NOC3L: variants seen among roughly 807,000 people sequenced by gnomAD.
NOC3L encodes nucleolar complex protein 3 homolog.
In NOC3L, 85 loss-of-function variants were observed where a neutral mutation model predicts 102.5. The observed-to-expected ratio is 0.83, with a 90% CI of 0.70 to 0.99. The LOEUF is 0.99. Among genes scored for constraint, NOC3L ranks in the 50% least tolerant of loss-of-function variants. The pLI is 0.00. For missense variants in NOC3L, 878 were observed against 914.9 expected (o/e 0.96, Z 0.52); for synonymous variants, 303 against 309.4 (o/e 0.98, Z 0.22).
chr10:94,339,862 C>G lies in NOC3L; in HGVS notation c.1839G>C (p.Lys613Asn). ...VLQCLDVMLT[K>N]RRKQVSQQRA... ...GCTGCTGAGAAACTTGCTTTCTGCG[C>G]TTAGTTAGCATGACATCAAGGCACT... The change falls in exon 17 of 21, where the codon AAG becomes AAC. Residue 613 changes from lysine to asparagine, a missense_variant. Physicochemically the swap from Lys to Asn is moderately conservative, Grantham distance 94. Coordinates refer to ENST00000371361, the MANE Select transcript of NOC3L (RefSeq NM_022451.11). The G allele has an allele frequency of 6.2e-7, 1 of 1,614,182 alleles. No homozygotes were observed. The highest frequency in any genetic ancestry group is 8.5e-7 in the Non-Finnish European group (1 of 1,180,010).
intron 8 of NOC3L, among the ~76,000 whole-genome samples, chr10:94,351,524 T>C (rs2054418239): frequency 6.6e-6 from 1 of 152,144 alleles, no homozygotes; most frequent in Non-Finnish European, 1.5e-5. Flanking sequence ...GTTATCCTTC[T>C]ATTTATTTAT....
chr10:94,339,641 A>T, intron 17 of NOC3L, 98 bp downstream of exon 17: 2 of 952,848 alleles, frequency 2.1e-6, no homozygotes, highest in Non-Finnish European at 3.1e-6. Flanking sequence ...TTACTTCTGT[A>T]ATTGAAATAA....
the NOC3L span, among the ~76,000 whole-genome samples, chr10:94,324,057 G>A: frequency 6.6e-6 from 1 of 152,102 alleles, no homozygotes; most frequent in African/African-American, 2.4e-5. Flanking sequence ...TACTATTATA[G>A]CTGTATATAT....
At chr10:94,328,716 CTGTATTG>C (rs1478079754), downstream of NOC3L, 2 of 152,096 alleles carry the variant, frequency 1.3e-5, no homozygotes, top group African/African-American at 4.8e-5. Context: ...AATTTAGTTC[CTGTATTG>C]TGTACCACAG....
chr10:94,353,042 C>G lies in NOC3L; in HGVS notation c.712G>C (p.Glu238Gln), dbSNP rs150224263. ...DPENNIKKLK[E>Q]LRSMLMEQDP... is the part of the protein sequence containing the mutation. ...TGTTCCATCAACATAGAACGTAATT[C>G]TTTCAATTTTTTAATCTGTTAAAGA... Residue 238 changes from glutamate to glutamine, a missense_variant, in exon 7 of 21, where the codon GAA (glutamate) becomes CAA (glutamine). Physicochemically the swap from Glu to Gln is conservative, Grantham distance 29. Coordinates refer to ENST00000371361, the MANE Select transcript of NOC3L (RefSeq NM_022451.11). The G allele has an allele frequency of 4.4e-6, 7 of 1,603,760 alleles. No homozygotes were observed. In the African/African-American group the frequency reaches 9.4e-5, roughly 22 times the overall value.
chr10:94,343,076 A>G (rs904043843), intron 13 of NOC3L, among the ~76,000 whole-genome samples: 134 of 150,340 alleles, frequency 8.9e-4, no homozygotes, highest in African/African-American at 3.0e-3. Context: ...AGAGCAAGAC[A>G]GTGTCTCCAA....
intron 8 of NOC3L, 109 bp downstream of exon 8, chr10:94,352,201 G>T: frequency 1.5e-6 from 1 of 678,186 alleles, no homozygotes; most frequent in Non-Finnish European, 2.4e-6. Context: ...TCTAGATTCT[G>T]TTCCTGACCA....
chr10:94,319,322 T>C, the NOC3L span, among the ~76,000 whole-genome samples: 1 of 152,146 alleles, frequency 6.6e-6, no homozygotes, highest in Non-Finnish European at 1.5e-5. Context: ...TAATTGCTGA[T>C]TGAATAAATG....
At chr10:94,318,189 C>G in the NOC3L span, among the ~76,000 whole-genome samples, 2 of 152,196 alleles carry the variant, frequency 1.3e-5, no homozygotes, top group Non-Finnish European at 2.9e-5. Flanking sequence ...CCCCAGCCTT[C>G]TCTCCCTATT....
chr10:94,337,859 T>C lies in NOC3L; in HGVS notation c.2107A>G (p.Ile703Val). The C allele has an allele frequency of 6.2e-7, 1 of 1,613,808 alleles. No individual in the cohort carries two copies. The change falls in exon 19 of 21, where the codon ATA becomes GTA. Residue 703 changes from isoleucine to valine, a missense_variant. Coordinates refer to ENST00000371361, the MANE Select transcript of NOC3L (RefSeq NM_022451.11). ...AGGTGGGCTGCAAATCTCTGCACTA[T>C]GGGATGATAATGCCTCTGAAGGGAA... ...LHALRRHYHP[I>V]VQRFAAHLIA...
chr10:94,324,853 T>G, the NOC3L span: 17 of 1,594,482 alleles, frequency 1.1e-5, no homozygotes, highest in Non-Finnish European at 1.5e-5. Context: ...GGAACCTGAG[T>G]TTAACCTAAC....
Position 94,333,650 on chromosome 10 carries a change from T to G in NOC3L, c.*527A>C, listed in dbSNP as rs898368023. Reference sequence around the variant, plus strand: ...AGGTGGATCATCCAGCAAAAGCCAATGAACCTGAATACAAGCTATTTTTTT... The same window carrying G: ...AGGTGGATCATCCAGCAAAAGCCAAGGAACCTGAATACAAGCTATTTTTTT... On this transcript the variant is annotated 3_prime_UTR_variant, in exon 21 of 21. Coordinates refer to ENST00000371361, the MANE Select transcript of NOC3L (RefSeq NM_022451.11). The G allele has an allele frequency of 2.6e-5, 4 of 152,182 alleles. No homozygotes were observed. Among genetic ancestry groups the G allele is most frequent in the African/African-American group, 9.7e-5 (4 of 41,450 alleles). The allele number at this position is 152,182 out of a possible 1,614,324, so 9.4% of individuals were successfully genotyped here.
intron 13 of NOC3L, among the ~76,000 whole-genome samples, 166 bp from the exon 14 acceptor site, chr10:94,341,911 TCAA>T (rs1441801458): frequency 2.0e-5 from 3 of 152,208 alleles, no homozygotes; most frequent in Admixed American, 6.5e-5. Flanking sequence ...ATTGGCCTCT[TCAA>T]CAATTCATAC....
At chr10:94,321,456 AC>A in the NOC3L span, among the ~76,000 whole-genome samples, 2 of 152,182 alleles carry the variant, frequency 1.3e-5, no homozygotes, top group Admixed American at 1.3e-4. Context: ...GCATGGCGAA[AC>A]CCTGTCTCTA....
chr10:94,349,429 C>A, intron 9 of NOC3L, 51 bp from the exon 10 acceptor site: 1 of 1,511,060 alleles, frequency 6.6e-7, no homozygotes, highest in Non-Finnish European at 8.8e-7. Context: ...CTTAGCACTA[C>A]TGACGTTTTG....
chr10:94,357,005 T>A (rs2054494242), intron 4 of NOC3L, among the ~76,000 whole-genome samples, 169 bp downstream of exon 4: 1 of 152,156 alleles, frequency 6.6e-6, no homozygotes, highest in African/African-American at 2.4e-5. Context: ...AATTGGTACC[T>A]GAGATAATCT....
intron 8 of NOC3L, among the ~76,000 whole-genome samples, chr10:94,351,663 G>GCT (rs2054420172): frequency 6.6e-6 from 1 of 151,820 alleles, no homozygotes; most frequent in Non-Finnish European, 1.5e-5. Context: ...AGTAGCTGGG[G>GCT]CTCTATAGGC....
In NOC3L at chr10:94,340,498, T is replaced by C; in HGVS notation, c.1645-2A>G. On this transcript the variant is annotated splice_acceptor_variant, in intron 14 of 20. Coordinates refer to ENST00000371361, the MANE Select transcript of NOC3L (RefSeq NM_022451.11). LOFTEE classifies it high-confidence loss of function. ...AAGACTTTCTTGATAGCTTAGGTCCTTTAAAAAAAAAAGGGGGGGGTGAGG... is the reference window on the plus strand; with the variant it reads ...AAGACTTTCTTGATAGCTTAGGTCCCTTAAAAAAAAAAGGGGGGGGTGAGG... The C allele has an allele frequency of 3.7e-6, 3 of 813,294 alleles. No homozygotes were observed. The highest frequency in any genetic ancestry group is 5.7e-6 in the Non-Finnish European group (3 of 530,164). The allele number at this position is 813,294 out of a possible 1,614,324, so 50.4% of individuals were successfully genotyped here. A position where few individuals can be genotyped will look rare whatever the true frequency, so the allele number is the denominator to read the frequency against.
At chr10:94,324,814 G>A in the NOC3L span, 245 of 1,387,502 alleles carry the variant, frequency 1.8e-4, no homozygotes, top group Non-Finnish European at 2.2e-4. Flanking sequence ...AGAGGAAAGC[G>A]CTCTTCTGAA....
Sources: gnomAD v4.1 joint callset for allele counts (sites outside exome capture counted in the v4.1 genomes callset) on GRCh38, gnomAD v4.1.1 for gene constraint, MANE v1.5 for transcripts, NCBI Gene and HGNC (gene_info 2026-07-23, HGNC 2026-07-21) for gene names.